The following MED12L variants were observed in gnomAD, a reference collection of about 807,000 sequenced individuals.
MED12L encodes mediator complex subunit 12L.
Under a neutral mutation model 281.3 loss-of-function variants are expected in MED12L, and 60 were observed. The ratio of observed to expected loss-of-function variants is 0.21; its 90% CI spans 0.17 to 0.26. The LOEUF (loss-of-function observed/expected upper bound fraction) is 0.26, where lower values mean the gene tolerates loss of function less well. Ranked by LOEUF, MED12L falls within the 10% of genes least tolerant of loss-of-function variation. The pLI is 1.00. For missense variants in MED12L, 2,146 were observed against 2,680.9 expected (o/e 0.80, Z 4.41); for synonymous variants, 974 against 987.2 (o/e 0.99, Z 0.25).
intron 16 of MED12L, among the ~76,000 whole-genome samples, chr3:151,250,218 C>G (rs918365880): frequency 6.6e-6 from 1 of 152,156 alleles, no homozygotes; most frequent in Non-Finnish European, 1.5e-5. Context: ...GCACATTCCT[C>G]AATCCAATTG....
chr3:151,247,699 C>T (rs570280036), intron 16 of MED12L, among the ~76,000 whole-genome samples: 6 of 142,742 alleles, frequency 4.2e-5, no homozygotes, highest in Admixed American at 7.2e-5. Context: ...CAGCATGGCA[C>T]ATGTATACAT....
intron 26 of MED12L, among the ~76,000 whole-genome samples, chr3:151,371,989 A>T (rs967513637): frequency 6.6e-6 from 1 of 152,066 alleles, no homozygotes; most frequent in Non-Finnish European, 1.5e-5. Flanking sequence ...AGAGGAAGGT[A>T]AAAAAACAGG....
At chr3:151,343,555 A>G (rs755005052) in intron 16 of MED12L, among the ~76,000 whole-genome samples, 1 of 152,228 alleles carries the variant, frequency 6.6e-6, no homozygotes, top group Non-Finnish European at 1.5e-5. Context: ...TCTCAGTTAC[A>G]GAAGTATATT....
intron 31 of MED12L, 82 bp downstream of exon 31, chr3:151,378,255 C>A: frequency 7.6e-7 from 1 of 1,315,128 alleles, no homozygotes; most frequent in Non-Finnish European, 1.0e-6. Context: ...TGTGTGGTCA[C>A]TGTACCCACA....
intron 39 of MED12L, among the ~76,000 whole-genome samples, chr3:151,395,075 T>G (rs1334408477): frequency 1.3e-5 from 2 of 152,228 alleles, no homozygotes; most frequent in African/African-American, 4.8e-5. Context: ...ATTTGATATG[T>G]CTTAGGTTTA....
At chr3:151,128,104 A>T in intron 5 of MED12L, 120 bp downstream of exon 5, 3 of 852,582 alleles carry the variant, frequency 3.5e-6, no homozygotes, top group Non-Finnish European at 5.5e-6. Context: ...GGTGAGACTG[A>T]TTTGCTCGGG....
At chr3:151,417,487 C>CCCTCTT (rs1717736742) in intron 43 of MED12L, among the ~76,000 whole-genome samples, 3 of 78,816 alleles carry the variant, frequency 3.8e-5, no homozygotes, top group Non-Finnish European at 6.9e-5. Flanking sequence ...CCCCCCCCGC[C>CCCTCTT]TTTTTTTTTT....
At chr3:151,329,014 C>T in intron 16 of MED12L, 1 of 1,562,682 alleles carries the variant, frequency 6.4e-7, no homozygotes, top group Non-Finnish European at 8.6e-7. Flanking sequence ...TCACCTGTTA[C>T]CAATAAACAT....
intron 11 of MED12L, among the ~76,000 whole-genome samples, chr3:151,180,172 C>T (rs911986244): frequency 6.6e-6 from 1 of 152,170 alleles, no homozygotes; most frequent in Non-Finnish European, 1.5e-5. Context: ...GTCTTTTCAG[C>T]AGCATTTTCC....
intron 16 of MED12L, among the ~76,000 whole-genome samples, chr3:151,324,535 G>A (rs571472466): frequency 1.5e-3 from 233 of 152,300 alleles, no homozygotes; most frequent in Admixed American, 0.012. Context: ...TAGAAGCCAC[G>A]TCTCAATTAA....
intron 16 of MED12L, among the ~76,000 whole-genome samples, chr3:151,214,901 G>A (rs1426716037): frequency 6.6e-6 from 1 of 152,124 alleles, no homozygotes; most frequent in East Asian, 1.9e-4. Flanking sequence ...TGTTGGAAAT[G>A]TGATTGTTTT....
At chr3:151,113,284 G>C (rs1712206112) in intron 2 of MED12L, among the ~76,000 whole-genome samples, 1 of 152,202 alleles carries the variant, frequency 6.6e-6, no homozygotes, top group African/African-American at 2.4e-5. Context: ...TCCCTGATTA[G>C]AGAATGCTGG....
intron 40 of MED12L, 78 bp from the exon 41 acceptor site, chr3:151,411,200 T>C: frequency 7.9e-7 from 1 of 1,273,702 alleles, no homozygotes; most frequent in East Asian, 2.4e-5. Flanking sequence ...GGGTTTGTTT[T>C]TGCCCCATAT....
intron 5 of MED12L, among the ~76,000 whole-genome samples, chr3:151,141,513 A>G (rs917270543): frequency 3.7e-4 from 57 of 152,324 alleles, no homozygotes; most frequent in African/African-American, 1.3e-3. Flanking sequence ...TACAAGATAC[A>G]CACCTAAAAC....
At chr3:151,345,390 A>C (rs1752400922) in intron 16 of MED12L, among the ~76,000 whole-genome samples, 1 of 152,196 alleles carries the variant, frequency 6.6e-6, no homozygotes, top group African/African-American at 2.4e-5. Context: ...TTTAAACACC[A>C]AGTTGAAAGA....
At chr3:151,255,388 G>A (rs776089518) in intron 16 of MED12L, among the ~76,000 whole-genome samples, 2 of 151,676 alleles carry the variant, frequency 1.3e-5, no homozygotes, top group African/African-American at 4.9e-5. Flanking sequence ...TAGATAATGA[G>A]CATCCAGTAG....
At chr3:151,197,279 T>G (rs563252635) in intron 16 of MED12L, among the ~76,000 whole-genome samples, 1 of 152,326 alleles carries the variant, frequency 6.6e-6, no homozygotes. Flanking sequence ...TTCTCCTGCC[T>G]CAGCCTCCTA....
intron 11 of MED12L, among the ~76,000 whole-genome samples, chr3:151,176,184 G>A (rs938876176): frequency 1.3e-5 from 2 of 152,138 alleles, no homozygotes; most frequent in Non-Finnish European, 2.9e-5. Context: ...TGACCTAGTA[G>A]CTTTGAGACA....
rs1181888308 is a variant in MED12L at position 151,131,025 on chromosome 3, TTG to T, written c.556+3054_556+3055del. ...ATAATTAGGCCTGAAACATTTATGT[TTG>T]TGTGTGTGTGTGATGTGATTACATA... On this transcript the variant is annotated intron_variant, in intron 5 of 44. Transcript: ENST00000687756. Among the ~76,000 whole-genome samples, 7 of 151,846 alleles carry T rather than the reference TTG, an allele frequency of 4.6e-5. No homozygotes were observed. In the South Asian group the frequency reaches 1.2e-3, roughly 27 times the overall value.
Sources: allele counts gnomAD v4.1 joint callset (sites outside exome capture counted in the v4.1 genomes callset), GRCh38; gene constraint gnomAD v4.1.1; transcripts MANE v1.5; gene names NCBI Gene and HGNC (gene_info 2026-07-23, HGNC 2026-07-21).